The following OR4C12 variants were observed in gnomAD, a reference collection of about 807,000 sequenced individuals.
OR4C12 encodes olfactory receptor family 4 subfamily C member 12.
A neutral mutation model predicts 12.3 loss-of-function variants in OR4C12; 11 were observed. The ratio of observed to expected loss-of-function variants is 0.89; its 90% CI spans 0.56 to 1.48. OR4C12 has a LOEUF of 1.48. OR4C12 is among the 40% of genes most tolerant of loss of function. OR4C12 has a pLI of 0.00. For synonymous variants in OR4C12, 138 were observed against 133.2 expected, an observed-to-expected ratio of 1.04 and a Z score of -0.25; for missense variants, 414 against 365.8, an observed-to-expected ratio of 1.13 and a Z score of -1.08.
At position 49,982,525 on chromosome 11, in the gene OR4C12, C is replaced by T. The variant is rs782541896; in HGVS notation, c.-24G>A. 3 of 1,326,130 alleles carry T rather than the reference C, an allele frequency of 2.3e-6. No homozygotes were observed. Among genetic ancestry groups the T allele is most frequent in the East Asian group, 4.6e-5 (2 of 43,218 alleles). 82.1% of individuals were successfully genotyped at this position (1,326,130 alleles called of 1,614,324 possible). On this transcript the variant is annotated 5_prime_UTR_variant, in exon 1 of 1. Coordinates refer to ENST00000335238, the MANE Select transcript of OR4C12 (RefSeq NM_001005270.4). ...ATCTATGTAGTGTGGGTGATAAAAC[C>T]TCCAGGAAGGAATATTTTACCTTTA... is the stretch of plus-strand genomic sequence containing the variant.
Position 49,982,032 on chromosome 11 carries a change from T to A in OR4C12, c.470A>T (p.Gln157Leu). 1 of 1,614,138 alleles carries A rather than the reference T, an allele frequency of 6.2e-7. No homozygotes were observed. Among genetic ancestry groups the A allele is most frequent in the Non-Finnish European group, 8.5e-7 (1 of 1,180,006 alleles). ...GGGCAGCCATACTGTAAAGAGAATC[T>A]GAATAGTTGCATGAAGAAATCCTCC... ...WVGGFLHATIQILFTVWLPFC... is the reference protein window; with the variant it reads ...WVGGFLHATILILFTVWLPFC... Residue 157 changes from glutamine (Q) to leucine (L), a missense_variant, in exon 1 of 1, where the codon CAG (glutamine) becomes CTG (leucine). Gln to Leu is a moderately radical substitution (Grantham distance 113). Coordinates refer to ENST00000335238, the MANE Select transcript of OR4C12 (RefSeq NM_001005270.4).
At position 49,982,115 on chromosome 11, in the gene OR4C12, G is replaced by GT. The variant is rs1854152166; in HGVS notation, c.386dup (p.Asn129LysfsTer50). On this transcript the variant is annotated frameshift_variant, in exon 1 of 1. Transcript: ENST00000335238. LOFTEE classifies it high-confidence loss of function. ...GGCTGTGGCTCATAATGGTTGTGTA[G>GT]TTCAGAGGTTTGCAGATGGCCACAT... 5 of 1,614,136 alleles carry GT rather than the reference G, an allele frequency of 3.1e-6. No homozygotes were observed. The East Asian group carries it at 1.1e-4, about 36-fold the overall frequency.
At position 49,981,997 on chromosome 11, in the gene OR4C12, G is replaced by A; in HGVS notation, c.505C>T (p.Pro169Ser). The part of the protein sequence containing the change: ...LFTVWLPFCG[P>S]NVIGHFMCDL... ...CACATGAAGTGGCCTATGACATTGG[G>A]GCCACAGAAGGGCAGCCATACTGTA... The change falls in exon 1 of 1, where the codon CCC (proline) becomes TCC (serine). Residue 169 changes from proline (P) to serine (S), a missense_variant. Coordinates refer to ENST00000335238, the MANE Select transcript of OR4C12 (RefSeq NM_001005270.4). The A allele has an allele frequency of 6.2e-7, 1 of 1,614,126 alleles. No individual in the cohort carries two copies. The highest frequency in any genetic ancestry group is 1.7e-5 in the Admixed American group (1 of 60,014).
At position 49,982,301 on chromosome 11, in the gene OR4C12, T is replaced by G; in HGVS notation, c.201A>C (p.Ile67=). The G allele has an allele frequency of 6.2e-7, 1 of 1,614,046 alleles. No individual in the cohort carries two copies. Among genetic ancestry groups the G allele is most frequent in the Non-Finnish European group, 8.5e-7 (1 of 1,179,938 alleles). ...MYFFLTHLSL[I]DTVYSSSSAP... ...CTGAAGAAGAAGAATAAACTGTGTC[T>G]ATCAAAGAAAGGTGGGTCAGGAAGA... The change falls in exon 1 of 1, where the codon ATA becomes ATC. Residue 67 remains isoleucine (I), a synonymous_variant. Coordinates refer to ENST00000335238, the MANE Select transcript of OR4C12 (RefSeq NM_001005270.4).
In OR4C12 at chr11:49,981,811, T is replaced by A. The variant is rs1854144633; in HGVS notation, c.691A>T (p.Arg231Trp). Residue 231 changes from arginine to tryptophan, a missense_variant, in exon 1 of 1, where the codon AGG becomes TGG. Transcript: ENST00000335238. ...RSLKNNSLEG[R>W]CKALSTCISH... Reference sequence around the variant, plus strand: ...ATACAGGTGGAGAGGGCTTTACACCTCCCCTCCAAGCTATTGTTCTTTAAA... The same window carrying A: ...ATACAGGTGGAGAGGGCTTTACACCACCCCTCCAAGCTATTGTTCTTTAAA... The A allele has an allele frequency of 6.2e-7, 1 of 1,612,448 alleles. No homozygotes were observed. Among genetic ancestry groups the A allele is most frequent in the Admixed American group, 1.7e-5 (1 of 59,946 alleles).
In OR4C12 at chr11:49,982,107, G is replaced by T; in HGVS notation, c.395C>A (p.Thr132Asn). 6.2e-7 allele frequency: 1 copy of T among 1,614,172 alleles called. No individual in the cohort carries two copies. Among genetic ancestry groups the T allele is most frequent in the South Asian group, 1.1e-5 (1 of 91,082 alleles). ...AATGCACAGGCTGTGGCTCATAATG[G>T]TTGTGTAGTTCAGAGGTTTGCAGAT... ...VAICKPLNYT[T>N]IMSHSLCILL... Residue 132 changes from threonine to asparagine, a missense_variant, in exon 1 of 1, where the codon ACC becomes AAC. Thr to Asn is a moderately conservative substitution (Grantham distance 65, BLOSUM62 0). Coordinates refer to ENST00000335238, the MANE Select transcript of OR4C12 (RefSeq NM_001005270.4).
At position 49,982,340 on chromosome 11, in the gene OR4C12, G is replaced by A. The variant is rs782794231; in HGVS notation, c.162C>T (p.Ser54=). The A allele has an allele frequency of 6.2e-6, 10 of 1,613,992 alleles. No individual in the cohort carries two copies. The highest frequency in any genetic ancestry group is 1.7e-5 in the Admixed American group (1 of 59,978). Residue 54 remains serine (S), a synonymous_variant, in exon 1 of 1, where the codon AGC becomes AGT. Coordinates refer to ENST00000335238, the MANE Select transcript of OR4C12 (RefSeq NM_001005270.4). ...GGGTCAGGAAGAAGTACATGGGGGA[G>A]CTCAGAGCCTGGCTGGTGGTAATGG... is the stretch of plus-strand genomic sequence containing the variant. ...VVTITTSQAL[S]SPMYFFLTHL...
chr11:49,982,206 G>C lies in OR4C12; in HGVS notation c.296C>G (p.Ala99Gly). The change falls in exon 1 of 1, where the codon GCC becomes GGC. Residue 99 changes from alanine to glycine, a missense_variant. Ala to Gly is a moderately conservative substitution (Grantham distance 60). Coordinates refer to ENST00000335238, the MANE Select transcript of OR4C12 (RefSeq NM_001005270.4). ...IISFNGCMAQ[A>G]YAEHIFGATE... is the part of the protein sequence containing the mutation. ...AGCACCAAAAATGTGTTCTGCATAG[G>C]CTTGAGCCATACACCCATTAAAGGA... 1 of 1,614,068 alleles carries C rather than the reference G, an allele frequency of 6.2e-7. No individual in the cohort carries two copies. The highest frequency in any genetic ancestry group is 8.5e-7 in the Non-Finnish European group (1 of 1,179,958).
In OR4C12 at chr11:49,982,466, T is replaced by C. The variant is rs781857757; in HGVS notation, c.36A>G (p.Leu12=). ...EKKKNVTEFI[L]IGLTQNPIME... is the part of the protein sequence containing the mutation. ...TTATGGGGTTCTGTGTAAGACCTAT[T>C]AAAATGAATTCAGTCACATTCTTTT... Residue 12 remains leucine (L), a synonymous_variant, in exon 1 of 1, where the codon TTA becomes TTG. Coordinates refer to ENST00000335238, the MANE Select transcript of OR4C12 (RefSeq NM_001005270.4). 7 of 1,611,268 alleles carry C rather than the reference T, an allele frequency of 4.3e-6. No homozygotes were observed. In the Admixed American group the frequency reaches 1.2e-4, roughly 27 times the overall value.
At position 49,982,437 on chromosome 11, in the gene OR4C12, T is replaced by C. The variant is rs184557615; in HGVS notation, c.65A>G (p.Glu22Gly). The C allele has an allele frequency of 6.2e-7, 1 of 1,613,552 alleles. No homozygotes were observed. Among genetic ancestry groups the C allele is most frequent in the East Asian group, 2.2e-5 (1 of 44,874 alleles). Residue 22 changes from glutamate to glycine, a missense_variant, in exon 1 of 1, where the codon GAG becomes GGG. Physicochemically the swap from Glu to Gly is moderately conservative, Grantham distance 98. Transcript: ENST00000335238. ...LIGLTQNPIM[E>G]KVTFVVFLVL... ...CAAAAATACTACAAACGTGACTTTC[T>C]CCATTATGGGGTTCTGTGTAAGACC...
chr11:49,981,850 T>G lies in OR4C12; in HGVS notation c.652A>C (p.Ile218Leu). 6.2e-7 allele frequency: 1 copy of G among 1,613,806 alleles called. No homozygotes were observed. The highest frequency in any genetic ancestry group is 8.5e-7 in the Non-Finnish European group (1 of 1,179,916). ...NFLILVVSYV[I>L]ILRSLKNNSL... is the part of the protein sequence containing the mutation. ...TTGTTCTTTAAAGATCTCAAGATGA[T>G]CACATAGGATACCACCAAGATAAGG... The change falls in exon 1 of 1, where the codon ATC becomes CTC. Residue 218 changes from isoleucine to leucine, a missense_variant. Coordinates refer to ENST00000335238, the MANE Select transcript of OR4C12 (RefSeq NM_001005270.4).
At position 49,982,441 on chromosome 11, in the gene OR4C12, T is replaced by C. The variant is rs781992072; in HGVS notation, c.61A>G (p.Met21Val). The C allele has an allele frequency of 1.5e-5, 24 of 1,613,532 alleles. No homozygotes were observed. The highest frequency in any genetic ancestry group is 1.4e-5 in the Non-Finnish European group (16 of 1,179,484). The change falls in exon 1 of 1, where the codon ATG (methionine) becomes GTG (valine). Residue 21 changes from methionine to valine, a missense_variant. Met to Val is a conservative substitution (Grantham distance 21, BLOSUM62 1). Transcript: ENST00000335238. ...ILIGLTQNPIMEKVTFVVFLV... is the reference protein window; with the variant it reads ...ILIGLTQNPIVEKVTFVVFLV... The stretch of plus-strand genomic sequence containing the variant: ...AATACTACAAACGTGACTTTCTCCA[T>C]TATGGGGTTCTGTGTAAGACCTATT...
At position 49,981,752 on chromosome 11, in the gene OR4C12, C is replaced by G. The variant is rs782255263; in HGVS notation, c.750G>C (p.Val250=). Reference sequence around the variant, plus strand: ...AGCGCAGATACACAAATATACAGGGCACAAAGAATAAGACAACTACTATGA... The same window carrying G: ...AGCGCAGATACACAAATATACAGGGGACAAAGAATAAGACAACTACTATGA... The part of the protein sequence containing the change: ...SHIIVVVLFF[V]PCIFVYLRSV... The change falls in exon 1 of 1, where the codon GTG becomes GTC. Residue 250 remains valine, a synonymous_variant. Coordinates refer to ENST00000335238, the MANE Select transcript of OR4C12 (RefSeq NM_001005270.4). 6.2e-7 allele frequency: 1 copy of G among 1,613,826 alleles called. No individual in the cohort carries two copies. The highest frequency in any genetic ancestry group is 2.2e-5 in the East Asian group (1 of 44,858).
At position 49,981,563 on chromosome 11, in the gene OR4C12, T is replaced by C. The variant is rs374702033; in HGVS notation, c.*9A>G. 2.6e-6 allele frequency: 4 copies of C among 1,523,128 alleles called. No homozygotes were observed. The African/African-American group carries it at 5.5e-5, about 21-fold the overall frequency. The allele number at this position is 1,523,128 out of a possible 1,614,324, so 94.4% of individuals were successfully genotyped here. On this transcript the variant is annotated 3_prime_UTR_variant, in exon 1 of 1. Coordinates refer to ENST00000335238, the MANE Select transcript of OR4C12 (RefSeq NM_001005270.4). Reference sequence around the variant, plus strand: ...TATTACCTCTATGTTGAGTGCTCAATGGTCTTATTTAATCATTATCTGAAG... The same window carrying C: ...TATTACCTCTATGTTGAGTGCTCAACGGTCTTATTTAATCATTATCTGAAG...
chr11:49,981,993 T>C lies in OR4C12; in HGVS notation c.509A>G (p.Asn170Ser), dbSNP rs782616102. ...GTCACACATGAAGTGGCCTATGACA[T>C]TGGGGCCACAGAAGGGCAGCCATAC... ...FTVWLPFCGPNVIGHFMCDLY... is the reference protein window; with the variant it reads ...FTVWLPFCGPSVIGHFMCDLY... The change falls in exon 1 of 1, where the codon AAT becomes AGT. Residue 170 changes from asparagine to serine, a missense_variant. By Grantham distance (46) the Asn-to-Ser change is conservative. Transcript: ENST00000335238. 2.5e-6 allele frequency: 4 copies of C among 1,613,962 alleles called. No individual in the cohort carries two copies. Among genetic ancestry groups the C allele is most frequent in the Non-Finnish European group, 3.4e-6 (4 of 1,179,972 alleles).
Position 49,981,548 on chromosome 11 carries a change from A to G in OR4C12, c.*24T>C. ...AGAAGCTTAAATACCTATTACCTCTATGTTGAGTGCTCAATGGTCTTATTT... is the reference window on the plus strand; with the variant it reads ...AGAAGCTTAAATACCTATTACCTCTGTGTTGAGTGCTCAATGGTCTTATTT... On this transcript the variant is annotated 3_prime_UTR_variant, in exon 1 of 1. Coordinates refer to ENST00000335238, the MANE Select transcript of OR4C12 (RefSeq NM_001005270.4). 7.4e-7 allele frequency: 1 copy of G among 1,358,648 alleles called. No individual in the cohort carries two copies. The highest frequency in any genetic ancestry group is 1.0e-6 in the Non-Finnish European group (1 of 958,864). The allele number at this position is 1,358,648 out of a possible 1,614,324, so 84.2% of individuals were successfully genotyped here.
In OR4C12 at chr11:49,982,109, T is replaced by C. The variant is rs1854151965; in HGVS notation, c.393A>G (p.Thr131=). Residue 131 remains threonine, a synonymous_variant, in exon 1 of 1, where the codon ACA becomes ACG. Transcript: ENST00000335238. ...TGCACAGGCTGTGGCTCATAATGGT[T>C]GTGTAGTTCAGAGGTTTGCAGATGG... ...YVAICKPLNY[T]TIMSHSLCIL... The C allele has an allele frequency of 6.2e-7, 1 of 1,614,046 alleles. No individual in the cohort carries two copies. Among genetic ancestry groups the C allele is most frequent in the African/African-American group, 1.3e-5 (1 of 74,904 alleles).
chr11:49,982,055 T>G lies in OR4C12; in HGVS notation c.447A>C (p.Gly149=). 1 of 1,614,150 alleles carries G rather than the reference T, an allele frequency of 6.2e-7. No homozygotes were observed. Among genetic ancestry groups the G allele is most frequent in the Non-Finnish European group, 8.5e-7 (1 of 1,180,004 alleles). Reference sequence around the variant, plus strand: ...TCTGAATAGTTGCATGAAGAAATCCTCCCACCCAGGCCACTGCCACCAGGA... The same window carrying G: ...TCTGAATAGTTGCATGAAGAAATCCGCCCACCCAGGCCACTGCCACCAGGA... ...CILLVAVAWV[G]GFLHATIQIL... Residue 149 remains glycine (G), a synonymous_variant, in exon 1 of 1, where the codon GGA becomes GGC. Coordinates refer to ENST00000335238, the MANE Select transcript of OR4C12 (RefSeq NM_001005270.4).
In OR4C12 at chr11:49,981,982, G is replaced by T. The variant is rs782564595; in HGVS notation, c.520C>A (p.His174Asn). 49 of 1,614,000 alleles carry T rather than the reference G, an allele frequency of 3.0e-5. No individual in the cohort carries two copies. In the Admixed American group the frequency reaches 8.2e-4, roughly 27 times the overall value. Residue 174 changes from histidine (H) to asparagine (N), a missense_variant, in exon 1 of 1, where the codon CAC becomes AAC. Coordinates refer to ENST00000335238, the MANE Select transcript of OR4C12 (RefSeq NM_001005270.4). ...AATGGGTACAAGTCACACATGAAGT[G>T]GCCTATGACATTGGGGCCACAGAAG... ...LPFCGPNVIG[H>N]FMCDLYPLLK...
Sources: gnomAD v4.1 joint callset for allele counts on GRCh38, gnomAD v4.1.1 for gene constraint, MANE v1.5 for transcripts, NCBI Gene and HGNC (gene_info 2026-07-23, HGNC 2026-07-21) for gene names.